KANK1: variants seen among roughly 807,000 people sequenced by gnomAD.
KANK1 encodes KN motif and ankyrin repeat domains 1.
In KANK1, 109 loss-of-function variants were observed where a neutral mutation model predicts 106.2. The observed-to-expected ratio is 1.03, with a 90% CI of 0.88 to 1.20. The LOEUF (loss-of-function observed/expected upper bound fraction) is 1.20. KANK1 is among the 50% of genes most tolerant of loss of function. The probability of loss-of-function intolerance (pLI) is 0.00; values close to 1 mark genes in which losing one functional copy is unlikely to be tolerated. For missense variants in KANK1, 2,399 were observed against 1,710.7 expected (o/e 1.40, Z -7.10); for synonymous variants, 873 against 652.2 (o/e 1.34, Z -5.16).
intron 1 of KANK1, among the ~76,000 whole-genome samples, chr9:643,393 A>G (rs946374039): frequency 6.6e-6 from 1 of 150,820 alleles, no homozygotes; most frequent in African/African-American, 2.5e-5. Flanking sequence ...TTTTTTGCAG[A>G]ATAAGATCCT....
At position 711,870 on chromosome 9, in the gene KANK1, G is replaced by T. The variant is rs1300610500; in HGVS notation, c.1104G>T (p.Arg368=). 1.2e-6 allele frequency: 2 copies of T among 1,614,170 alleles called. No individual in the cohort carries two copies. Among genetic ancestry groups the T allele is most frequent in the Admixed American group, 3.3e-5 (2 of 60,008 alleles). The change falls in exon 3 of 12, where the codon CGG becomes CGT. Residue 368 remains arginine (R), a synonymous_variant. Coordinates refer to ENST00000382297, the MANE Select transcript of KANK1 (RefSeq NM_015158.5). ...EQSTQRIKEF[R]QLTADMQALE... is the part of the protein sequence containing the mutation. ...GCACGCAGAGGATAAAGGAGTTCCG[G>T]CAACTTACAGCAGACATGCAAGCCC...
intron 1 of KANK1, among the ~76,000 whole-genome samples, chr9:602,736 A>C (rs935004624): frequency 6.6e-6 from 1 of 151,892 alleles, no homozygotes; most frequent in South Asian, 2.1e-4. Context: ...GTCAGAGGAC[A>C]TTGACAAAAT....
intron 1 of KANK1, among the ~76,000 whole-genome samples, chr9:567,581 C>G (rs970869551): frequency 6.6e-6 from 1 of 152,182 alleles, no homozygotes; most frequent in Non-Finnish European, 1.5e-5. Flanking sequence ...TTCTAAGTAC[C>G]TTCTGCATTG....
chr9:589,601 G>C (rs954306230), intron 1 of KANK1, among the ~76,000 whole-genome samples: 2 of 152,122 alleles, frequency 1.3e-5, no homozygotes, highest in Non-Finnish European at 2.9e-5. Context: ...ATAGATCAGG[G>C]TGGAGGGCTT....
intron 2 of KANK1, among the ~76,000 whole-genome samples, chr9:694,069 C>CT (rs1348237629): frequency 6.6e-6 from 1 of 151,976 alleles, no homozygotes; most frequent in Non-Finnish European, 1.5e-5. Flanking sequence ...CAATAATTTC[C>CT]TTTTTTGTTG....
At position 738,396 on chromosome 9, in the gene KANK1, G is replaced by C. The variant is rs551729799; in HGVS notation, c.3445G>C (p.Asp1149His). 34 of 1,614,146 alleles carry C rather than the reference G, an allele frequency of 2.1e-5. No homozygotes were observed. The African/African-American group carries it at 4.3e-4, about 20-fold the overall frequency. ...AGCTGCTTTTGAGGCCATTTCCCCA[G>C]ATGTCCTCCGCTATGTCATCAACTT... The part of the protein sequence containing the change: ...YIAAFEAISP[D>H]VLRYVINLAD... The change falls in exon 8 of 12, where the codon GAT (aspartate) becomes CAT (histidine). Residue 1149 changes from aspartate to histidine, a missense_variant. Transcript: ENST00000382297.
intron 1 of KANK1, among the ~76,000 whole-genome samples, chr9:641,781 G>C (rs559222996): frequency 5.3e-5 from 8 of 152,100 alleles, no homozygotes; most frequent in African/African-American, 9.7e-5. Context: ...GTAATGACAA[G>C]GAAATTCATA....
intron 3 of KANK1, among the ~76,000 whole-genome samples, chr9:722,096 G>C (rs1829486603): frequency 6.6e-6 from 1 of 152,162 alleles, no homozygotes; most frequent in African/African-American, 2.4e-5. Flanking sequence ...AGCTGTCCTT[G>C]TTCATTCCTA....
At chr9:596,855 G>A (rs1460022760) in intron 1 of KANK1, among the ~76,000 whole-genome samples, 1 of 151,498 alleles carries the variant, frequency 6.6e-6, no homozygotes, top group Non-Finnish European at 1.5e-5. Flanking sequence ...AAACATTTTT[G>A]TCACTACAAA....
rs964374536 is a variant in KANK1, at chr9:644,417, G to A, written c.-83-32473G>A. ...AGACTGGGCAATTTATAAAGAAAAG[G>A]GGTTTAATTGGCTCAGGGTTCCGCA... is the stretch of plus-strand genomic sequence containing the variant. On this transcript the variant is annotated intron_variant, in intron 1 of 11. Transcript: ENST00000382297. 2.7e-5 allele frequency among the ~76,000 whole-genome samples: 4 copies of A among 150,940 alleles called. No homozygotes were observed. In the South Asian group the frequency reaches 6.2e-4, roughly 23 times the overall value.
Position 526,993 on chromosome 9 carries a change from C to T in KANK1, c.-84+22239C>T, listed in dbSNP as rs997132658. Among the ~76,000 whole-genome samples the T allele has an allele frequency of 2.4e-4, 36 of 151,740 alleles. 1 individual carries two copies. The highest frequency in any genetic ancestry group is 7.6e-4 in the African/African-American group (31 of 41,024). On this transcript the variant is annotated intron_variant, in intron 1 of 11. Transcript: ENST00000382297. The stretch of plus-strand genomic sequence containing the variant: ...TATTATTTAGACTGGAAATAATTCA[C>T]AGCCAAGACATGTAATTTAAATATT...
At chr9:661,109 A>C (rs750456406) in intron 1 of KANK1, among the ~76,000 whole-genome samples, 16 of 152,016 alleles carry the variant, frequency 1.1e-4, no homozygotes, top group Admixed American at 2.6e-4. Flanking sequence ...TCCAGTTTTA[A>C]TGTTATGTGT....
intron 1 of KANK1, among the ~76,000 whole-genome samples, chr9:551,606 C>A (rs1034404403): frequency 6.6e-6 from 1 of 152,134 alleles, no homozygotes; most frequent in Non-Finnish European, 1.5e-5. Flanking sequence ...AATGGTTACT[C>A]TCACCTGTGC....
chr9:553,914 C>G (rs2061423728), intron 1 of KANK1, among the ~76,000 whole-genome samples: 1 of 152,162 alleles, frequency 6.6e-6, no homozygotes, highest in Non-Finnish European at 1.5e-5. Context: ...CAGTGGTTCT[C>G]AAACTTTAGC....
chr9:535,490 C>G (rs1563730640), intron 1 of KANK1, among the ~76,000 whole-genome samples: 1 of 152,222 alleles, frequency 6.6e-6, no homozygotes, highest in African/African-American at 2.4e-5. Context: ...TGTGTGACCT[C>G]ACAGGTACTA....
At chr9:740,646 A>G (rs1030107437) in intron 8 of KANK1, 146 bp from the exon 9 acceptor site, 7 of 882,652 alleles carry the variant, frequency 7.9e-6, no homozygotes, top group Non-Finnish European at 1.2e-5. Flanking sequence ...CATCTCTCAC[A>G]TTTCCTTCTA....
At chr9:722,524 T>G (rs985490240) in intron 3 of KANK1, among the ~76,000 whole-genome samples, 11 of 152,242 alleles carry the variant, frequency 7.2e-5, no homozygotes, top group Non-Finnish European at 1.5e-5. Context: ...TTCTTCGTTT[T>G]GCTCAAACAC....
At chr9:522,112 T>C (rs2059581391) in intron 1 of KANK1, among the ~76,000 whole-genome samples, 1 of 151,918 alleles carries the variant, frequency 6.6e-6, no homozygotes, top group South Asian at 2.1e-4. Flanking sequence ...AGATTGTGAT[T>C]TCCTCATTGC....
At chr9:649,431 A>T (rs1382728299) in intron 1 of KANK1, among the ~76,000 whole-genome samples, 1 of 152,208 alleles carries the variant, frequency 6.6e-6, no homozygotes, top group African/African-American at 2.4e-5. Context: ...AAATTAGTGA[A>T]ATTGTACAGA....
Sources: gnomAD v4.1 joint callset for allele counts (sites outside exome capture counted in the v4.1 genomes callset) on GRCh38, gnomAD v4.1.1 for gene constraint, MANE v1.5 for transcripts, NCBI Gene and HGNC (gene_info 2026-07-23, HGNC 2026-07-21) for gene names.